NKX6-3: variants seen among roughly 807,000 people sequenced by gnomAD.
The protein encoded by NKX6-3 is homeobox protein Nkx-6.3.
NKX6-3 carries 17 observed loss-of-function variants against 22.0 expected under a neutral mutation model. That is an observed-to-expected ratio of 0.77 (90% CI 0.53 to 1.16). The LOEUF is 1.16. Ranked by LOEUF, NKX6-3 falls within the 50% of genes most tolerant of loss-of-function variation. The probability of loss-of-function intolerance (pLI) is 0.00; values close to 1 mark genes in which losing one functional copy is unlikely to be tolerated. For synonymous variants in NKX6-3, 177 were observed against 167.2 expected (o/e 1.06, Z -0.45); for missense variants, 363 against 359.0 (o/e 1.01, Z -0.09).
Position 41,647,950 on chromosome 8 carries a change from C to A in NKX6-3, c.552+116G>T, listed in dbSNP as rs565277842. 3.2e-6 allele frequency: 3 copies of A among 928,866 alleles called. No homozygotes were observed. In the African/African-American group the frequency reaches 5.0e-5, roughly 15 times the overall value. The allele number at this position is 928,866 out of a possible 1,614,324, so 57.5% of individuals were successfully genotyped here. A position where few individuals can be genotyped will look rare whatever the true frequency, so the allele number is the denominator to read the frequency against. Reference sequence around the variant, plus strand: ...AGGCAGGCAGGCAGTGCCCAGACACCAGGACAGCTGCCCTCTGGGGGGCTG... The same window carrying A: ...AGGCAGGCAGGCAGTGCCCAGACACAAGGACAGCTGCCCTCTGGGGGGCTG... On this transcript the variant is annotated intron_variant, in intron 2 of 2. Transcript: ENST00000518699.
In NKX6-3 at chr8:41,650,644, C is replaced by G. The variant is rs951922418; in HGVS notation, c.-152G>C. 28 of 795,326 alleles carry G rather than the reference C, an allele frequency of 3.5e-5. No individual in the cohort carries two copies. The highest frequency in any genetic ancestry group is 7.6e-4 in the Middle Eastern group (2 of 2,622). The allele number at this position is 795,326 out of a possible 1,614,324, so 49.3% of individuals were successfully genotyped here. A position where few individuals can be genotyped will look rare whatever the true frequency, so the allele number is the denominator to read the frequency against. ...CCTAAGGCATGGGCCAGGCCCTGGCCCAGGAACCGGCACCCGATCAGCTGC... is the reference window on the plus strand; with the variant it reads ...CCTAAGGCATGGGCCAGGCCCTGGCGCAGGAACCGGCACCCGATCAGCTGC... On this transcript the variant is annotated 5_prime_UTR_variant, in exon 1 of 3. Transcript: ENST00000518699.
Position 41,650,646 on chromosome 8 carries a change from A to G in NKX6-3, c.-154T>C. The G allele has an allele frequency of 1.3e-6, 1 of 782,978 alleles. No homozygotes were observed. The highest frequency in any genetic ancestry group is 2.0e-6 in the Non-Finnish European group (1 of 507,174). The allele number at this position is 782,978 out of a possible 1,614,324, so 48.5% of individuals were successfully genotyped here. ...TAAGGCATGGGCCAGGCCCTGGCCC[A>G]GGAACCGGCACCCGATCAGCTGCTC... On this transcript the variant is annotated 5_prime_UTR_variant, in exon 1 of 3. Transcript: ENST00000518699.
rs1035787153 is a variant in NKX6-3 at position 41,650,316 on chromosome 8, C to G, written c.177G>C (p.Leu59=). ...TGTTCGGCGCAGCCACGGGCCTGCT[C>G]AGGATGTCCGTGATCCCGTGGGGGG... is the stretch of plus-strand genomic sequence containing the variant. ...AGTPHGITDI[L]SRPVAAPNNS... Residue 59 remains leucine, a synonymous_variant, in exon 1 of 3, where the codon CTG becomes CTC. Coordinates refer to ENST00000518699, the MANE Select transcript of NKX6-3 (RefSeq NM_001364841.2). The G allele has an allele frequency of 8.3e-5, 128 of 1,534,848 alleles. No individual in the cohort carries two copies. Among genetic ancestry groups the G allele is most frequent in the Non-Finnish European group, 1.1e-4 (125 of 1,146,306 alleles).
chr8:41,647,710 C>G (rs539892895), intron 2 of NKX6-3, among the ~76,000 whole-genome samples: 20 of 152,246 alleles, frequency 1.3e-4, no homozygotes, highest in South Asian at 6.2e-4. Context: ...GAGGGAAAGC[C>G]TCAGGTTGGA....
In NKX6-3 at chr8:41,646,473, G is replaced by T; in HGVS notation, c.774C>A (p.Leu258=). The change falls in exon 3 of 3, where the codon CTC becomes CTA. Residue 258 remains leucine (L), a synonymous_variant. Coordinates refer to ENST00000518699, the MANE Select transcript of NKX6-3 (RefSeq NM_001364841.2). The part of the protein sequence containing the change: ...LRKHRAAFSV[L]SLGAHSV Reference sequence around the variant, plus strand: ...GTCAGACGCTGTGCGCTCCCAGGCTGAGCACCGAGAAGGCGGCGCGGTGCT... The same window carrying T: ...GTCAGACGCTGTGCGCTCCCAGGCTTAGCACCGAGAAGGCGGCGCGGTGCT... 2.5e-6 allele frequency: 4 copies of T among 1,605,628 alleles called. No homozygotes were observed. Among genetic ancestry groups the T allele is most frequent in the Non-Finnish European group, 3.4e-6 (4 of 1,177,226 alleles).
rs1029612932 is a variant in NKX6-3 at position 41,650,539 on chromosome 8, C to G, written c.-47G>C. 4.0e-6 allele frequency: 6 copies of G among 1,518,120 alleles called. No individual in the cohort carries two copies. The highest frequency in any genetic ancestry group is 1.4e-5 in the African/African-American group (1 of 72,424). 94.0% of individuals were successfully genotyped at this position (1,518,120 alleles called of 1,614,324 possible). ...AAGGCTTCTCCAGGCCCCTAAAACC[C>G]AAGAGCCCACTCTCTAGCCCCAAAT... On this transcript the variant is annotated 5_prime_UTR_variant, in exon 1 of 3. Transcript: ENST00000518699.
At chr8:41,647,417 CTAAG>C in intron 2 of NKX6-3, 2 of 1,488,344 alleles carry the variant, frequency 1.3e-6, no homozygotes, top group Non-Finnish European at 1.8e-6. Context: ...CCCCCAGACT[CTAAG>C]GCGGTAGAAA....
intron 1 of NKX6-3, among the ~76,000 whole-genome samples, chr8:41,649,325 C>T (rs1804269255): frequency 6.6e-6 from 1 of 152,138 alleles, no homozygotes; most frequent in African/African-American, 2.4e-5. Context: ...GAAATGGAGG[C>T]CCCTGCCTGA....
Position 41,646,497 on chromosome 8 carries a change from C to G in NKX6-3, c.750G>C (p.Lys250Asn). ...DDEKIRLLLR[K>N]HRAAFSVLSL... ...TGAGCACCGAGAAGGCGGCGCGGTG[C>G]TTGCGCAGCAGCAGGCGGATCTTCT... Residue 250 changes from lysine to asparagine, a missense_variant, in exon 3 of 3, where the codon AAG becomes AAC. Lys to Asn is a moderately conservative substitution (Grantham distance 94). Transcript: ENST00000518699. 6 of 1,610,828 alleles carry G rather than the reference C, an allele frequency of 3.7e-6. No homozygotes were observed. The highest frequency in any genetic ancestry group is 5.1e-6 in the Non-Finnish European group (6 of 1,178,934).
In NKX6-3 at chr8:41,650,689, G is replaced by C; in HGVS notation, c.-197C>G. On this transcript the variant is annotated 5_prime_UTR_variant, in exon 1 of 3. Transcript: ENST00000518699. ...AGCTGCTCGGAAGTCAGGTGCTCGG[G>C]GCAGGTGGGAGGCCTCCCCAGGGCT... 1.7e-6 allele frequency: 1 copy of C among 592,362 alleles called. No individual in the cohort carries two copies. Among genetic ancestry groups the C allele is most frequent in the Non-Finnish European group, 2.9e-6 (1 of 341,322 alleles). 36.7% of individuals were successfully genotyped at this position (592,362 alleles called of 1,614,324 possible).
At position 41,646,713 on chromosome 8, in the gene NKX6-3, T is replaced by G; in HGVS notation, c.553-19A>C. 1 of 1,534,636 alleles carries G rather than the reference T, an allele frequency of 6.5e-7. No homozygotes were observed. Among genetic ancestry groups the G allele is most frequent in the Non-Finnish European group, 8.7e-7 (1 of 1,145,398 alleles). ...ACCACACCTGCGATGAGAAAGAATG[T>G]GAAGGGCACAGGGGCACAGCGCGCA... On this transcript the variant is annotated intron_variant, in intron 2 of 2. Coordinates refer to ENST00000518699, the MANE Select transcript of NKX6-3 (RefSeq NM_001364841.2).
chr8:41,649,737 C>A (rs757755623), intron 1 of NKX6-3, among the ~76,000 whole-genome samples: 9 of 152,178 alleles, frequency 5.9e-5, no homozygotes, highest in Non-Finnish European at 1.3e-4. Flanking sequence ...CATTTGCCTG[C>A]TTTGGGTGAA....
In NKX6-3 at chr8:41,645,511, G is replaced by A. The variant is rs1196125525; in HGVS notation, c.*938C>T. 1 of 152,354 alleles carries A rather than the reference G, an allele frequency of 6.6e-6. No individual in the cohort carries two copies. Among genetic ancestry groups the A allele is most frequent in the Non-Finnish European group, 1.5e-5 (1 of 68,138 alleles). 9.4% of individuals were successfully genotyped at this position (152,354 alleles called of 1,614,324 possible). A position where few individuals can be genotyped will look rare whatever the true frequency, so the allele number is the denominator to read the frequency against. On this transcript the variant is annotated 3_prime_UTR_variant, in exon 3 of 3. Transcript: ENST00000518699. ...CCTTCTCCCTTCCTGCCTTGTTGGA[G>A]GGGTGCCGTTCTGGGGTCTTTCCCA...
chr8:41,649,173 TG>T (rs1804265931), intron 1 of NKX6-3, among the ~76,000 whole-genome samples: 2 of 152,110 alleles, frequency 1.3e-5, no homozygotes, highest in African/African-American at 4.8e-5. Context: ...GGCACAGCGA[TG>T]GGTGGCAGCC....
chr8:41,649,485 T>A (rs1804272284), intron 1 of NKX6-3, among the ~76,000 whole-genome samples: 2 of 151,976 alleles, frequency 1.3e-5, no homozygotes, highest in Admixed American at 6.5e-5. Context: ...GAGGGATGGG[T>A]CGGCTGAGAA....
chr8:41,649,670 GAGT>G (rs1243974418), intron 1 of NKX6-3, among the ~76,000 whole-genome samples: 2 of 152,240 alleles, frequency 1.3e-5, no homozygotes, highest in African/African-American at 4.8e-5. Flanking sequence ...CTGCACCCTT[GAGT>G]GATGCCAGGG....
chr8:41,650,780 C>A lies in NKX6-3; in HGVS notation c.-288G>T, dbSNP rs562452763. On this transcript the variant is annotated 5_prime_UTR_variant, in exon 1 of 3. Coordinates refer to ENST00000518699, the MANE Select transcript of NKX6-3 (RefSeq NM_001364841.2). ...CTAAGCCTCAGCTCAGACCCCCTTT[C>A]TGCCTCTGAGTCGGGGGACCCTCCA... 5.4e-6 allele frequency: 2 copies of A among 370,820 alleles called. No homozygotes were observed. Among genetic ancestry groups the A allele is most frequent in the East Asian group, 5.6e-5 (1 of 17,954 alleles). 23.0% of individuals were successfully genotyped at this position (370,820 alleles called of 1,614,324 possible). A position where few individuals can be genotyped will look rare whatever the true frequency, so the allele number is the denominator to read the frequency against.
chr8:41,647,062 G>A, intron 2 of NKX6-3: 1 of 969,578 alleles, frequency 1.0e-6, no homozygotes, highest in Non-Finnish European at 1.6e-6. Context: ...CTCATTGGAA[G>A]GTGCTTATGA....
chr8:41,647,333 G>C, intron 2 of NKX6-3: 1 of 1,574,556 alleles, frequency 6.4e-7, no homozygotes, highest in Non-Finnish European at 8.6e-7. Context: ...CCTAGACCCA[G>C]GTGCCAGCTG....
Sources: allele counts gnomAD v4.1 joint callset (sites outside exome capture counted in the v4.1 genomes callset), GRCh38; gene constraint gnomAD v4.1.1; transcripts MANE v1.5; gene names NCBI Gene and HGNC (gene_info 2026-07-23, HGNC 2026-07-21).